The following ARHGAP20 variants were observed in gnomAD, a reference collection of about 807,000 sequenced individuals.
ARHGAP20 encodes Rho GTPase activating protein 20.
ARHGAP20 carries 34 observed loss-of-function variants against 73.7 expected under a neutral mutation model. That is an observed-to-expected ratio of 0.46 (90% CI 0.35 to 0.61). The LOEUF (loss-of-function observed/expected upper bound fraction) is 0.61, where lower values mean the gene tolerates loss of function less well. ARHGAP20 is among the 20% of genes least tolerant of loss of function. The pLI is 0.00. For synonymous variants in ARHGAP20, 523 were observed against 518.2 expected (o/e 1.01, Z -0.13); for missense variants, 1,314 against 1,420.9 (o/e 0.92, Z 1.21).
intron 2 of ARHGAP20, among the ~76,000 whole-genome samples, chr11:110,668,508 G>T (rs1949767185): frequency 6.6e-6 from 1 of 151,958 alleles, no homozygotes; most frequent in Non-Finnish European, 1.5e-5. Flanking sequence ...AATTAGCTTG[G>T]CATGGTGGCA....
intron 2 of ARHGAP20, among the ~76,000 whole-genome samples, chr11:110,683,053 G>T (rs1223403496): frequency 2.0e-5 from 3 of 152,110 alleles, no homozygotes; most frequent in Admixed American, 2.0e-4. Context: ...AAATTAACTT[G>T]GAGGTGGAGA....
intron 2 of ARHGAP20, among the ~76,000 whole-genome samples, chr11:110,666,198 G>A (rs1037620947): frequency 3.9e-5 from 6 of 152,080 alleles, no homozygotes; most frequent in Admixed American, 6.5e-5. Flanking sequence ...ACAATACTGA[G>A]AGAAATAAAA....
At chr11:110,697,051 T>C (rs1950349710) in intron 1 of ARHGAP20, among the ~76,000 whole-genome samples, 2 of 151,766 alleles carry the variant, frequency 1.3e-5, no homozygotes, top group Admixed American at 6.6e-5. Flanking sequence ...CAGGTGTCTT[T>C]TTCTGTTTAG....
At chr11:110,636,342 G>A (rs948135935) in intron 2 of ARHGAP20, among the ~76,000 whole-genome samples, 7 of 152,080 alleles carry the variant, frequency 4.6e-5, no homozygotes, top group African/African-American at 1.7e-4. Flanking sequence ...ACATTTAAAT[G>A]TTTATAAATA....
intron 2 of ARHGAP20, among the ~76,000 whole-genome samples, chr11:110,642,660 T>A (rs1012656336): frequency 1.3e-5 from 2 of 152,150 alleles, no homozygotes; most frequent in African/African-American, 4.8e-5. Flanking sequence ...GAATTAACTT[T>A]TTGATTTGCT....
At chr11:110,595,133 G>A (rs1007637120) in intron 9 of ARHGAP20, among the ~76,000 whole-genome samples, 3 of 151,566 alleles carry the variant, frequency 2.0e-5, no homozygotes, top group Non-Finnish European at 4.4e-5. Flanking sequence ...AGGTATTGAT[G>A]GGACGTATCT....
At chr11:110,611,865 A>T (rs1476820396) in intron 6 of ARHGAP20, among the ~76,000 whole-genome samples, 1 of 152,212 alleles carries the variant, frequency 6.6e-6, no homozygotes, top group Non-Finnish European at 1.5e-5. Flanking sequence ...TAAAATCAGG[A>T]TAATAACTGG....
chr11:110,624,907 T>C (rs1565445159), intron 3 of ARHGAP20, among the ~76,000 whole-genome samples: 1 of 152,166 alleles, frequency 6.6e-6, no homozygotes, highest in Non-Finnish European at 1.5e-5. Context: ...AAACCTAACT[T>C]CAAATGTACT....
chr11:110,657,920 GAGGAAGGAAGGA>G (rs3044293), intron 2 of ARHGAP20, among the ~76,000 whole-genome samples: 1,412 of 134,108 alleles, frequency 0.011, 20 homozygotes, highest in African/African-American at 0.033. Context: ...AAAAGAGAGA[GAGGAAGGAAGGA>G]AGGAAGGAAG....
chr11:110,685,821 T>C (rs924294395), intron 2 of ARHGAP20, among the ~76,000 whole-genome samples: 6 of 152,132 alleles, frequency 3.9e-5, no homozygotes, highest in Non-Finnish European at 8.8e-5. Context: ...ATATAAAATG[T>C]CAATAAATAA....
intron 1 of ARHGAP20, among the ~76,000 whole-genome samples, chr11:110,699,426 T>C (rs1050056378): frequency 6.6e-6 from 1 of 151,944 alleles, no homozygotes; most frequent in Non-Finnish European, 1.5e-5. Flanking sequence ...CCATTTGGTC[T>C]ACAGTTCAGT....
chr11:110,602,121 C>T (rs771482505), intron 9 of ARHGAP20, among the ~76,000 whole-genome samples: 5 of 152,244 alleles, frequency 3.3e-5, no homozygotes, highest in South Asian at 2.1e-4. Context: ...GTATGTGGTG[C>T]GCTCATTACT....
intron 1 of ARHGAP20, among the ~76,000 whole-genome samples, chr11:110,702,677 C>T (rs1189732420): frequency 3.3e-5 from 5 of 152,160 alleles, no homozygotes; most frequent in African/African-American, 1.2e-4. Context: ...TGATAAGCAA[C>T]TTCAGCAGTC....
At chr11:110,689,106 C>T (rs1380119497) in intron 2 of ARHGAP20, among the ~76,000 whole-genome samples, 1 of 150,988 alleles carries the variant, frequency 6.6e-6, no homozygotes, top group East Asian at 2.0e-4. Flanking sequence ...TCACGCCATT[C>T]TCCTGCCTCA....
intron 2 of ARHGAP20, among the ~76,000 whole-genome samples, chr11:110,675,565 A>G (rs1302354722): frequency 6.6e-6 from 1 of 152,102 alleles, no homozygotes; most frequent in East Asian, 1.9e-4. Context: ...CAGGCTTTAG[A>G]TTCCCATAAG....
chr11:110,633,447 G>A (rs1025378217), intron 2 of ARHGAP20, among the ~76,000 whole-genome samples: 12 of 152,108 alleles, frequency 7.9e-5, no homozygotes, highest in South Asian at 4.1e-4. Flanking sequence ...ATAAAGTTAC[G>A]TAGTGTTAAG....
intron 2 of ARHGAP20, among the ~76,000 whole-genome samples, chr11:110,641,448 A>G (rs1219304989): frequency 6.6e-6 from 1 of 152,082 alleles, no homozygotes; most frequent in Non-Finnish European, 1.5e-5. Flanking sequence ...GGAAAGGAAC[A>G]AGATTTTATG....
intron 13 of ARHGAP20, 26 bp from the exon 14 acceptor site, chr11:110,582,461 A>G (rs1432368403): frequency 2.9e-6 from 4 of 1,369,090 alleles, no homozygotes; most frequent in South Asian, 2.4e-5. Context: ...CAAACGAAGT[A>G]TTACTTTTCA....
intron 4 of ARHGAP20, among the ~76,000 whole-genome samples, chr11:110,622,031 T>C (rs1948640022): frequency 6.6e-6 from 1 of 152,206 alleles, no homozygotes; most frequent in South Asian, 2.1e-4. Flanking sequence ...AGCCAGAGAT[T>C]TGGGCAGTGT....
Sources: gnomAD v4.1 joint callset for allele counts (sites outside exome capture counted in the v4.1 genomes callset) on GRCh38, gnomAD v4.1.1 for gene constraint, MANE v1.5 for transcripts, NCBI Gene and HGNC (gene_info 2026-07-23, HGNC 2026-07-21) for gene names.